The following NEMP2 variants were observed in gnomAD, a reference collection of about 807,000 sequenced individuals.
The protein encoded by NEMP2 is nuclear envelope integral membrane protein 2, also known as UPF0571 transmembrane protein.
Under a neutral mutation model 54.2 loss-of-function variants are expected in NEMP2, and 53 were observed. The observed-to-expected ratio is 0.98, with a 90% confidence interval of 0.78 to 1.23. NEMP2 has a LOEUF of 1.23. Among genes scored for constraint, NEMP2 ranks in the 50% most tolerant of loss-of-function variants. The pLI, the probability that NEMP2 is intolerant of heterozygous loss-of-function variation, is 0.00. For missense variants in NEMP2, 455 were observed against 511.3 expected, an observed-to-expected ratio of 0.89 and a Z score of 1.06; for synonymous variants, 197 against 190.3, an observed-to-expected ratio of 1.04 and a Z score of -0.29.
chr2:190,594,353 C>T, the NEMP2 span, among the ~76,000 whole-genome samples: 4 of 152,144 alleles, frequency 2.6e-5, no homozygotes, highest in African/African-American at 9.7e-5. This position sits in a 1 kb window ranked among gnomAD's most constrained non-coding sequence, Gnocchi z 5.6. Flanking sequence ...AAACATACAT[C>T]ATGATCATTA....
downstream of NEMP2, chr2:190,500,245 C>G: frequency 1.2e-6 from 2 of 1,612,146 alleles, no homozygotes; most frequent in Non-Finnish European, 1.7e-6. The surrounding 1 kb of genome is among the most constrained non-coding windows in gnomAD (Gnocchi z 5.3). Flanking sequence ...TCACACCCTG[C>G]ATGGAATCAG....
At chr2:190,574,179 C>A in the NEMP2 span, among the ~76,000 whole-genome samples, 1 of 152,170 alleles carries the variant, frequency 6.6e-6, no homozygotes, top group African/African-American at 2.4e-5. Context: ...ATTCTTGCAA[C>A]AAAACCTCTA....
chr2:190,493,347 A>G, the NEMP2 span, among the ~76,000 whole-genome samples: 1 of 152,184 alleles, frequency 6.6e-6, no homozygotes, highest in Admixed American at 6.5e-5. Context: ...TCTTCAATAT[A>G]CATACACCTA....
At chr2:190,609,783 C>T in the NEMP2 span, 8 of 152,332 alleles carry the variant, frequency 5.3e-5, no homozygotes, top group South Asian at 1.7e-3. The surrounding 1 kb of genome is among the most constrained non-coding windows in gnomAD (Gnocchi z 4.7). Flanking sequence ...ATCTTTCTGG[C>T]TACTTCCTGC....
chr2:190,534,368 A>T, intron 1 of NEMP2, 191 bp downstream of exon 1: 1 of 1,206,068 alleles, frequency 8.3e-7, no homozygotes. Flanking sequence ...GCCAGGCGAG[A>T]GACTACGGAA....
the NEMP2 span, among the ~76,000 whole-genome samples, chr2:190,566,605 A>G: frequency 3.3e-5 from 5 of 151,518 alleles, no homozygotes; most frequent in African/African-American, 1.2e-4. Context: ...GAAAGAAAAG[A>G]AAGAAAATAA....
At chr2:190,457,948 G>T in the NEMP2 span, among the ~76,000 whole-genome samples, 1 of 152,194 alleles carries the variant, frequency 6.6e-6, no homozygotes, top group Non-Finnish European at 1.5e-5. The surrounding 1 kb of genome is among the most constrained non-coding windows in gnomAD (Gnocchi z 5.1). Context: ...AGCAATTCAT[G>T]AAATAAAGTA....
chr2:190,579,357 G>T, the NEMP2 span, among the ~76,000 whole-genome samples: 2 of 150,026 alleles, frequency 1.3e-5, no homozygotes, highest in African/African-American at 4.9e-5. Flanking sequence ...ACTAGGAGAG[G>T]TTAGCATAAA....
At position 190,530,353 on chromosome 2, in the gene NEMP2, C is replaced by T. The variant is rs1262913582; in HGVS notation, c.97+4206G>A. On this transcript the variant is annotated intron_variant, in intron 1 of 8. Coordinates refer to ENST00000409150, the MANE Select transcript of NEMP2 (RefSeq NM_001142645.2). The surrounding 1 kb of genome is among the most constrained non-coding windows in gnomAD (Gnocchi z 4.6). ...GTGCTTCATGGTGTCCTCTGGCTGC[C>T]CTTTTTTCTTATCACCTCTCTCCCG... 6.6e-6 allele frequency among the ~76,000 whole-genome samples: 1 copy of T among 152,206 alleles called. No individual in the cohort carries two copies. Among genetic ancestry groups the T allele is most frequent in the East Asian group, 1.9e-4 (1 of 5,196 alleles).
chr2:190,555,006 C>T, the NEMP2 span, among the ~76,000 whole-genome samples: 1 of 152,128 alleles, frequency 6.6e-6, no homozygotes, highest in African/African-American at 2.4e-5. The surrounding 1 kb of genome is among the most constrained non-coding windows in gnomAD (Gnocchi z 4.8). Flanking sequence ...CTGGTGATAC[C>T]CAGGCGAACA....
At chr2:190,526,395 G>T (rs922260201) in intron 1 of NEMP2, among the ~76,000 whole-genome samples, 2 of 152,196 alleles carry the variant, frequency 1.3e-5, no homozygotes, top group African/African-American at 4.8e-5. Flanking sequence ...GCTGAGAATA[G>T]ATCTACACCA....
At chr2:190,593,967 A>G in the NEMP2 span, among the ~76,000 whole-genome samples, 2 of 152,204 alleles carry the variant, frequency 1.3e-5, 1 homozygote, top group Non-Finnish European at 2.9e-5. This position sits in a 1 kb window ranked among gnomAD's most constrained non-coding sequence, Gnocchi z 4.5. Context: ...ACTAGGCAAC[A>G]TCACTTCTCC....
the NEMP2 span, among the ~76,000 whole-genome samples, chr2:190,575,102 G>A: frequency 4.6e-5 from 7 of 151,636 alleles, no homozygotes; most frequent in Admixed American, 1.3e-4. Flanking sequence ...TGATCTGCCC[G>A]CCTCGCCCTC....
the NEMP2 span, among the ~76,000 whole-genome samples, chr2:190,638,029 T>TG: frequency 6.6e-6 from 1 of 152,040 alleles, no homozygotes. This position sits in a 1 kb window ranked among gnomAD's most constrained non-coding sequence, Gnocchi z 5.7. Context: ...GAGGTGAAAG[T>TG]AAGTGAAGAA....
At chr2:190,500,455 G>A (rs1689973904), downstream of NEMP2, 3 of 533,658 alleles carry the variant, frequency 5.6e-6, no homozygotes, top group South Asian at 7.3e-5. This position sits in a 1 kb window ranked among gnomAD's most constrained non-coding sequence, Gnocchi z 5.3. Flanking sequence ...AGTTCAATGA[G>A]GACTTTCAGT....
chr2:190,610,234 T>C, the NEMP2 span: 1 of 152,218 alleles, frequency 6.6e-6, no homozygotes, highest in African/African-American at 2.4e-5. The surrounding 1 kb of genome is among the most constrained non-coding windows in gnomAD (Gnocchi z 5.4). Flanking sequence ...AGATTATTTG[T>C]ATAAAGTGCA....
chr2:190,626,254 T>A, the NEMP2 span: 1 of 151,990 alleles, frequency 6.6e-6, no homozygotes, highest in African/African-American at 2.4e-5. The surrounding 1 kb of genome is among the most constrained non-coding windows in gnomAD (Gnocchi z 4.5). Flanking sequence ...AACATATGAA[T>A]TTTGGGGGGA....
the NEMP2 span, among the ~76,000 whole-genome samples, chr2:190,599,964 G>C: frequency 6.6e-6 from 1 of 152,138 alleles, no homozygotes; most frequent in African/African-American, 2.4e-5. Flanking sequence ...AGAGTTTATG[G>C]GAGCACAGCG....
chr2:190,496,779 G>A, the NEMP2 span, among the ~76,000 whole-genome samples: 1,519 of 152,322 alleles, frequency 1.0e-2, 13 homozygotes, highest in Admixed American at 0.017. This position sits in a 1 kb window ranked among gnomAD's most constrained non-coding sequence, Gnocchi z 4.7. Flanking sequence ...GATGGAACTG[G>A]AGACCATATT....
Sources: gnomAD v4.1 joint callset for allele counts (sites outside exome capture counted in the v4.1 genomes callset) on GRCh38, gnomAD v4.1.1 for gene constraint, Gnocchi (gnomAD v3.1) non-coding constraint, MANE v1.5 for transcripts, NCBI Gene and HGNC (gene_info 2026-07-23, HGNC 2026-07-21) for gene names.